The following CCBE1 variants were observed in gnomAD, a reference collection of about 807,000 sequenced individuals.
CCBE1 encodes the protein collagen and calcium-binding EGF domain-containing protein 1.
A neutral mutation model predicts 50.0 loss-of-function variants in CCBE1; 37 were observed. The observed-to-expected ratio is 0.74, with a 90% CI of 0.57 to 0.97. The LOEUF (loss-of-function observed/expected upper bound fraction) is 0.97. Among genes scored for constraint, CCBE1 ranks in the 50% least tolerant of loss-of-function variants. CCBE1 has a pLI of 0.00. For missense variants in CCBE1, 538 were observed against 523.8 expected, an observed-to-expected ratio of 1.03 and a Z score of -0.26; for synonymous variants, 234 against 203.7, an observed-to-expected ratio of 1.15 and a Z score of -1.27.
At position 59,435,839 on chromosome 18, in the gene CCBE1, C is replaced by T; in HGVS notation, c.*69G>A. 1 of 1,379,094 alleles carries T rather than the reference C, an allele frequency of 7.3e-7. No individual in the cohort carries two copies. The highest frequency in any genetic ancestry group is 1.0e-6 in the Non-Finnish European group (1 of 965,766). The allele number at this position is 1,379,094 out of a possible 1,614,324, so 85.4% of individuals were successfully genotyped here. On this transcript the variant is annotated 3_prime_UTR_variant, in exon 11 of 11. Transcript: ENST00000439986. ...TTCTAGGTCTCCAGTGGTCTTTCTTCTCTTTAGATGGTTTAACTGCAGGTG... is the reference window on the plus strand; with the variant it reads ...TTCTAGGTCTCCAGTGGTCTTTCTTTTCTTTAGATGGTTTAACTGCAGGTG...
intron 2 of CCBE1, among the ~76,000 whole-genome samples, chr18:59,665,151 A>C (rs1194397557): frequency 6.8e-6 from 1 of 146,606 alleles, no homozygotes; most frequent in Non-Finnish European, 1.5e-5. Flanking sequence ...CTTCCTAAAA[A>C]CCTGTGTTCC....
intron 2 of CCBE1, among the ~76,000 whole-genome samples, chr18:59,651,723 C>T (rs187583627): frequency 1.8e-3 from 277 of 152,246 alleles, no homozygotes; most frequent in Middle Eastern, 3.4e-3. Flanking sequence ...AGTGATGTGG[C>T]GGTGTGTCTT....
In CCBE1 at chr18:59,625,409, C is replaced by T. The variant is rs576308752; in HGVS notation, c.212+71220G>A. On this transcript the variant is annotated intron_variant, in intron 2 of 10. Transcript: ENST00000439986. The stretch of plus-strand genomic sequence containing the variant: ...TCGCGCCACTGCGCTCCAGCCTGGG[C>T]TACAGAGTGAGATTCTGTCTCAAAA... Among the ~76,000 whole-genome samples the T allele has an allele frequency of 3.4e-3, 434 of 128,918 alleles. 8 individuals are homozygous for T. Among genetic ancestry groups the T allele is most frequent in the African/African-American group, 0.013 (409 of 31,038 alleles). The allele number at this position is 128,918 out of a possible 152,430, so 84.6% of individuals were successfully genotyped here.
chr18:59,500,223 G>A (rs1427933218), intron 2 of CCBE1, among the ~76,000 whole-genome samples: 1 of 152,228 alleles, frequency 6.6e-6, no homozygotes, highest in Non-Finnish European at 1.5e-5. Flanking sequence ...CAGACACACA[G>A]CAGGATGCTT....
intron 2 of CCBE1, among the ~76,000 whole-genome samples, chr18:59,678,566 T>C (rs927983425): frequency 1.3e-5 from 2 of 152,196 alleles, no homozygotes; most frequent in African/African-American, 4.8e-5. Context: ...GGAGTCTCAC[T>C]CTGTTGCCCA....
At chr18:59,567,442 T>G (rs1435417409) in intron 2 of CCBE1, among the ~76,000 whole-genome samples, 3 of 152,202 alleles carry the variant, frequency 2.0e-5, no homozygotes. Flanking sequence ...CTGCATTTTC[T>G]TTTATTTACT....
At chr18:59,518,750 C>T (rs772895154) in intron 2 of CCBE1, among the ~76,000 whole-genome samples, 142 of 152,352 alleles carry the variant, frequency 9.3e-4, no homozygotes, top group Middle Eastern at 3.4e-3. Flanking sequence ...GTGGGGCCAA[C>T]TGCCCACAGC....
At chr18:59,668,819 C>CTTTTTTTTTTTTTTTTTT (rs34632549) in intron 2 of CCBE1, among the ~76,000 whole-genome samples, 1 of 99,176 alleles carries the variant, frequency 1.0e-5, no homozygotes, top group Admixed American at 1.2e-4. Context: ...TTCCATAAGT[C>CTTTTTTTTTTTTTTTTTT]TTTTTTTTTT....
chr18:59,472,595 C>A (rs146343071), intron 3 of CCBE1, among the ~76,000 whole-genome samples: 1 of 152,192 alleles, frequency 6.6e-6, no homozygotes, highest in African/African-American at 2.4e-5. Flanking sequence ...AAATAATCCT[C>A]GTCTCAGCCT....
intron 2 of CCBE1, among the ~76,000 whole-genome samples, chr18:59,693,833 C>T (rs886696786): frequency 1.2e-4 from 18 of 145,082 alleles, no homozygotes; most frequent in African/African-American, 3.6e-4. Context: ...GTGTTTCCTA[C>T]ACACGAGAAT....
chr18:59,619,440 T>A (rs1054161795), intron 2 of CCBE1, among the ~76,000 whole-genome samples: 2 of 152,170 alleles, frequency 1.3e-5, no homozygotes, highest in African/African-American at 2.4e-5. Context: ...TGCCTCAGCC[T>A]CCCCAGGTAG....
At chr18:59,589,444 G>A (rs1383492117) in intron 2 of CCBE1, among the ~76,000 whole-genome samples, 4 of 152,062 alleles carry the variant, frequency 2.6e-5, no homozygotes, top group African/African-American at 7.2e-5. Context: ...AATATCACAC[G>A]ATAATATCGA....
chr18:59,462,851 A>G (rs1911557936), intron 5 of CCBE1, among the ~76,000 whole-genome samples: 1 of 152,224 alleles, frequency 6.6e-6, no homozygotes, highest in Non-Finnish European at 1.5e-5. Context: ...TCTGCAGAAC[A>G]TCATGTGGGG....
intron 2 of CCBE1, among the ~76,000 whole-genome samples, chr18:59,657,879 AAACAACAACAAAC>A (rs1313064589): frequency 1.5e-5 from 2 of 129,710 alleles, no homozygotes; most frequent in African/African-American, 7.7e-5. Flanking sequence ...CAACAACAAC[AAACAACAACAAAC>A]AACAACAACA....
At chr18:59,478,633 C>T (rs1416745432) in intron 3 of CCBE1, among the ~76,000 whole-genome samples, 1 of 152,158 alleles carries the variant, frequency 6.6e-6, no homozygotes, top group Non-Finnish European at 1.5e-5. Context: ...ATGTTTGAAA[C>T]CACTAATATT....
intron 2 of CCBE1, among the ~76,000 whole-genome samples, chr18:59,638,237 A>G (rs192659390): frequency 3.3e-5 from 5 of 152,382 alleles, no homozygotes; most frequent in African/African-American, 9.6e-5. Flanking sequence ...CTTAGCAAGT[A>G]AAGAATGGAT....
chr18:59,519,233 C>T (rs1914498760), intron 2 of CCBE1, among the ~76,000 whole-genome samples: 1 of 152,128 alleles, frequency 6.6e-6, no homozygotes, highest in Non-Finnish European at 1.5e-5. Flanking sequence ...GCTTTTTAGC[C>T]CCTCCACCTT....
At chr18:59,679,545 A>G (rs2054557242) in intron 2 of CCBE1, among the ~76,000 whole-genome samples, 1 of 152,220 alleles carries the variant, frequency 6.6e-6, no homozygotes, top group South Asian at 2.1e-4. Flanking sequence ...GTATGAGCAT[A>G]TGACTCTCCA....
rs528912424 is a variant in CCBE1, at chr18:59,691,678, AC to A, written c.212+4950del. The stretch of plus-strand genomic sequence containing the variant: ...CTTGGCCTCCCAAAGTGCTGGGATT[AC>A]AGGCGTGAGCCACCGCGCCCAGCTA... On this transcript the variant is annotated intron_variant, in intron 2 of 10. Transcript: ENST00000439986. Among the ~76,000 whole-genome samples the A allele has an allele frequency of 3.9e-5, 6 of 152,334 alleles. No individual in the cohort carries two copies. In the South Asian group the frequency reaches 1.0e-3, roughly 26 times the overall value.
Sources: allele counts gnomAD v4.1 joint callset (sites outside exome capture counted in the v4.1 genomes callset), GRCh38; gene constraint gnomAD v4.1.1; transcripts MANE v1.5; gene names NCBI Gene and HGNC (gene_info 2026-07-23, HGNC 2026-07-21).